Variants in CNTNAP5 observed in about 807,000 individuals in gnomAD.
CNTNAP5 encodes contactin-associated protein-like 5.
In CNTNAP5, 72 loss-of-function variants were observed where a neutral mutation model predicts 150.2. The observed-to-expected ratio is 0.48, with a 90% confidence interval of 0.40 to 0.58. CNTNAP5 has a LOEUF of 0.58. CNTNAP5 is among the 20% of genes least tolerant of loss of function. The probability of loss-of-function intolerance (pLI) is 0.00; values close to 1 mark genes in which losing one functional copy is unlikely to be tolerated. For synonymous variants in CNTNAP5, 672 were observed against 619.8 expected (o/e 1.08, Z -1.25); for missense variants, 1,636 against 1,626.2 (o/e 1.01, Z -0.10).
intron 21 of CNTNAP5, among the ~76,000 whole-genome samples, chr2:124,899,025 A>G (rs1030311642): frequency 2.6e-5 from 4 of 151,480 alleles, no homozygotes; most frequent in Admixed American, 6.6e-5. Context: ...CTGACAGTAG[A>G]TTTTAAGTTT....
intron 10 of CNTNAP5, among the ~76,000 whole-genome samples, chr2:124,550,114 T>C (rs545746126): frequency 6.6e-6 from 1 of 152,352 alleles, no homozygotes; most frequent in East Asian, 1.9e-4. Context: ...CTAACATTGC[T>C]AGTGCAGTGT....
chr2:124,832,639 C>CA (rs1682740051), intron 19 of CNTNAP5, among the ~76,000 whole-genome samples: 1 of 151,704 alleles, frequency 6.6e-6, no homozygotes, highest in Non-Finnish European at 1.5e-5. Context: ...CCTTCAATTC[C>CA]AAGTGAGTTA....
intron 1 of CNTNAP5, among the ~76,000 whole-genome samples, chr2:124,140,095 G>A (rs1469143898): frequency 6.6e-6 from 1 of 151,750 alleles, no homozygotes; most frequent in African/African-American, 2.4e-5. Flanking sequence ...TTAAAAAACG[G>A]CGCACCACGA....
At chr2:124,417,733 A>G in intron 4 of CNTNAP5, 143 bp downstream of exon 4, 1 of 809,626 alleles carries the variant, frequency 1.2e-6, no homozygotes, top group Non-Finnish European at 1.9e-6. Flanking sequence ...AAAATGTTCA[A>G]TTCAATCCCA....
intron 17 of CNTNAP5, among the ~76,000 whole-genome samples, chr2:124,788,489 A>C (rs552393720): frequency 5.3e-5 from 8 of 152,362 alleles, no homozygotes; most frequent in Admixed American, 4.6e-4. Flanking sequence ...ATATATATTA[A>C]GTAACTGGTT....
chr2:124,314,143 C>A (rs529652484), intron 3 of CNTNAP5, among the ~76,000 whole-genome samples: 25 of 152,252 alleles, frequency 1.6e-4, no homozygotes, highest in African/African-American at 5.5e-4. Context: ...GATAATGATG[C>A]CTTGTTTTCT....
At chr2:124,475,194 G>T (rs1425682127) in intron 7 of CNTNAP5, among the ~76,000 whole-genome samples, 1 of 151,552 alleles carries the variant, frequency 6.6e-6, no homozygotes, top group African/African-American at 2.4e-5. Context: ...TATTATCTCT[G>T]GAATATGAAA....
At chr2:124,685,769 C>CGT (rs386391125) in intron 13 of CNTNAP5, among the ~76,000 whole-genome samples, 1 of 135,880 alleles carries the variant, frequency 7.4e-6, no homozygotes, top group Non-Finnish European at 1.6e-5. Context: ...TGTGCGCGCG[C>CGT]GTGTTATTGA....
At chr2:124,191,395 G>C (rs1395494387) in intron 1 of CNTNAP5, among the ~76,000 whole-genome samples, 2 of 152,130 alleles carry the variant, frequency 1.3e-5, no homozygotes, top group African/African-American at 4.8e-5. Flanking sequence ...GGTTTTGCTT[G>C]TTTGGTATTT....
Position 124,462,089 on chromosome 2 carries a change from AAGG to A in CNTNAP5, c.919-12645_919-12643del, listed in dbSNP as rs1693269715. On this transcript the variant is annotated intron_variant, in intron 6 of 23. Transcript: ENST00000682447. ...ATTATCTCCTATATCACAAATATAA[AAGG>A]AGGACACAGAGAAGTTGAAGAAGTC... is the stretch of plus-strand genomic sequence containing the variant. Among the ~76,000 whole-genome samples, 6 of 152,302 alleles carry A rather than the reference AAGG, an allele frequency of 3.9e-5. No individual in the cohort carries two copies. The South Asian group carries it at 1.0e-3, about 26-fold the overall frequency.
chr2:124,291,481 G>GA (rs5834058), intron 3 of CNTNAP5, among the ~76,000 whole-genome samples: 48,029 of 151,290 alleles, frequency 0.32, 7,865 homozygotes, highest in South Asian at 0.51. Context: ...AGTAAATTAA[G>GA]AAAAAATCAG....
At chr2:124,189,775 AG>A (rs1366153419) in intron 1 of CNTNAP5, among the ~76,000 whole-genome samples, 1 of 152,170 alleles carries the variant, frequency 6.6e-6, no homozygotes, top group Non-Finnish European at 1.5e-5. Flanking sequence ...CACACCTTGC[AG>A]GGCTTCCAGG....
chr2:124,510,501 A>G (rs1694558193), intron 8 of CNTNAP5, among the ~76,000 whole-genome samples: 1 of 129,952 alleles, frequency 7.7e-6, no homozygotes, highest in African/African-American at 2.9e-5. Flanking sequence ...ATATATATAT[A>G]TATATATATA....
intron 1 of CNTNAP5, among the ~76,000 whole-genome samples, chr2:124,153,091 A>G (rs1430775221): frequency 6.6e-6 from 1 of 152,232 alleles, no homozygotes; most frequent in African/African-American, 2.4e-5. Context: ...AAGTAGATTT[A>G]TAAAAACTTA....
chr2:124,911,507 T>C lies in CNTNAP5; in HGVS notation c.3696T>C (p.Asn1232=), dbSNP rs1317298745. Residue 1232 remains asparagine, a synonymous_variant, in exon 23 of 24, where the codon AAT becomes AAC. Transcript: ENST00000682447. ...CAGATGAGCGGGAACCACTCACAAA[T>C]GCTGTTCGAAGTGATTCGGCAGTCA... is the stretch of plus-strand genomic sequence containing the variant. ...GKTDEREPLT[N]AVRSDSAVIG... 1.2e-6 allele frequency: 2 copies of C among 1,602,702 alleles called. No homozygotes were observed. The highest frequency in any genetic ancestry group is 2.3e-5 in the East Asian group (1 of 44,374).
At chr2:124,711,665 AAAACAAAC>A (rs981726360) in intron 13 of CNTNAP5, among the ~76,000 whole-genome samples, 40 of 151,966 alleles carry the variant, frequency 2.6e-4, no homozygotes, top group African/African-American at 5.1e-4. Flanking sequence ...GTCTCTACTA[AAAACAAAC>A]AAACAAACAA....
intron 14 of CNTNAP5, among the ~76,000 whole-genome samples, chr2:124,757,460 C>T (rs1377749653): frequency 2.6e-5 from 4 of 152,138 alleles, no homozygotes; most frequent in African/African-American, 9.6e-5. Context: ...CACCAGCTTC[C>T]ACTCTTGAGA....
intron 1 of CNTNAP5, among the ~76,000 whole-genome samples, chr2:124,035,472 T>C (rs566901189): frequency 5.9e-5 from 9 of 152,214 alleles, no homozygotes; most frequent in Non-Finnish European, 1.2e-4. Flanking sequence ...GCAATTAACT[T>C]TTACTAAATG....
At chr2:124,646,264 G>T (rs1198057627) in intron 12 of CNTNAP5, among the ~76,000 whole-genome samples, 1 of 152,162 alleles carries the variant, frequency 6.6e-6, no homozygotes. Context: ...TTAACCAAGG[G>T]CACCCAAGTG....
Sources: allele counts gnomAD v4.1 joint callset (sites outside exome capture counted in the v4.1 genomes callset), GRCh38; gene constraint gnomAD v4.1.1; transcripts MANE v1.5; gene names NCBI Gene and HGNC (gene_info 2026-07-23, HGNC 2026-07-21).